The following TRHDE variants were observed in gnomAD, a reference collection of about 807,000 sequenced individuals.
TRHDE encodes the protein thyrotropin releasing hormone degrading enzyme.
A neutral mutation model predicts 125.7 loss-of-function variants in TRHDE; 72 were observed. That is an observed-to-expected ratio of 0.57 (90% CI 0.47 to 0.70). TRHDE has a LOEUF of 0.70. TRHDE is among the 30% of genes least tolerant of loss of function. TRHDE has a pLI of 0.00. For synonymous variants in TRHDE, 509 were observed against 509.1 expected (o/e 1.00, Z 0.00); for missense variants, 1,110 against 1,327.1 (o/e 0.84, Z 2.54).
Position 72,213,773 on chromosome 12 carries a change from A to G in TRHDE, n.279+108021A>G, listed in dbSNP as rs1719119. On this transcript the variant is annotated intron_variant and non_coding_transcript_variant, in intron 2 of 4. Coordinates refer to the TRHDE transcript ENST00000548156. The stretch of plus-strand genomic sequence containing the variant: ...AATTTGTTTAAACTTCTGTGAGCCA[A>G]TTAAAAGGATTACATATCAGTTGAA... Among the ~76,000 whole-genome samples, 3 of 152,280 alleles carry G rather than the reference A, an allele frequency of 2.0e-5. No homozygotes were observed. The South Asian group carries it at 6.2e-4, about 32-fold the overall frequency.
Position 72,610,283 on chromosome 12 carries a change from A to G in TRHDE, c.2322-8608A>G, listed in dbSNP as rs148517879. On this transcript the variant is annotated intron_variant, in intron 12 of 18. Coordinates refer to ENST00000261180, the MANE Select transcript of TRHDE (RefSeq NM_013381.3). ...AAACTTTCTAAAACAAACATCATGC[A>G]TAGTCTGTCTTTAAAACTTACCTTC... 1.3e-4 allele frequency among the ~76,000 whole-genome samples: 20 copies of G among 152,312 alleles called. No homozygotes were observed. In the East Asian group the frequency reaches 3.9e-3, roughly 29 times the overall value.
intron 2 of TRHDE, among the ~76,000 whole-genome samples, chr12:72,347,831 A>G (rs865895424): frequency 2.0e-5 from 3 of 152,038 alleles, no homozygotes; most frequent in Non-Finnish European, 4.4e-5. Context: ...GTCTAACTCA[A>G]TCTTAGAATT....
chr12:72,140,837 T>C (rs550281232), intron 2 of TRHDE, among the ~76,000 whole-genome samples: 2 of 152,256 alleles, frequency 1.3e-5, no homozygotes, highest in African/African-American at 4.8e-5. Flanking sequence ...CCAATAAAAA[T>C]AGTGTAACTC....
At chr12:72,579,387 G>T (rs1336127953) in intron 12 of TRHDE, among the ~76,000 whole-genome samples, 3 of 151,964 alleles carry the variant, frequency 2.0e-5, no homozygotes, top group Admixed American at 6.6e-5. Context: ...ATATACATTT[G>T]CTGTTTGTAT....
intron 2 of TRHDE, among the ~76,000 whole-genome samples, chr12:72,188,176 T>C (rs1877266014): frequency 6.6e-6 from 1 of 152,166 alleles, no homozygotes; most frequent in Non-Finnish European, 1.5e-5. Flanking sequence ...CTAAAACAAA[T>C]GTGGAGATGG....
chr12:72,245,677 A>G (rs1878562619), intron 2 of TRHDE, among the ~76,000 whole-genome samples: 1 of 151,994 alleles, frequency 6.6e-6, no homozygotes, highest in Non-Finnish European at 1.5e-5. Context: ...TAATTTTCAA[A>G]TTTATAAAAT....
intron 12 of TRHDE, 42 bp downstream of exon 12, chr12:72,575,584 GCAAGACTTCCTGTA>G (rs1870955350): frequency 6.4e-7 from 1 of 1,574,290 alleles, no homozygotes; most frequent in African/African-American, 1.4e-5. Flanking sequence ...ACTTGTGCCT[GCAAGACTTCCTGTA>G]TTAAACTGCA....
chr12:72,240,631 G>T (rs960304033), intron 2 of TRHDE, among the ~76,000 whole-genome samples: 8 of 151,340 alleles, frequency 5.3e-5, no homozygotes, highest in Non-Finnish European at 7.4e-5. Flanking sequence ...GTACAGTGGC[G>T]CGATCTCGGC....
chr12:72,427,534 C>G (rs906745172), intron 3 of TRHDE, among the ~76,000 whole-genome samples: 1 of 152,014 alleles, frequency 6.6e-6, no homozygotes, highest in African/African-American at 2.4e-5. Context: ...GTATCCCTGG[C>G]TTTTGTTGGG....
intron 2 of TRHDE, among the ~76,000 whole-genome samples, chr12:72,174,380 A>C (rs1184992977): frequency 6.6e-6 from 1 of 152,246 alleles, no homozygotes; most frequent in African/African-American, 2.4e-5. Context: ...GCAGAAACTA[A>C]TCTACAAAGT....
intron 2 of TRHDE, among the ~76,000 whole-genome samples, chr12:72,348,656 G>A (rs1414294202): frequency 6.6e-6 from 1 of 151,946 alleles, no homozygotes; most frequent in Non-Finnish European, 1.5e-5. Flanking sequence ...AGCTTGGAAT[G>A]CTTCATATCA....
chr12:72,449,308 A>G (rs767573761), intron 3 of TRHDE, among the ~76,000 whole-genome samples: 1 of 152,042 alleles, frequency 6.6e-6, no homozygotes, highest in African/African-American at 2.4e-5. Context: ...TTATACTACA[A>G]TGCCGTGACA....
chr12:72,342,818 T>C (rs1870142899), intron 2 of TRHDE, among the ~76,000 whole-genome samples: 1 of 152,144 alleles, frequency 6.6e-6, no homozygotes, highest in South Asian at 2.1e-4. Context: ...CCCTTTCATC[T>C]TTTTGGAACT....
chr12:72,097,163 A>T (rs1874944301), intron 1 of TRHDE, among the ~76,000 whole-genome samples: 1 of 152,240 alleles, frequency 6.6e-6, no homozygotes, highest in African/African-American at 2.4e-5. Flanking sequence ...AATACAATTA[A>T]TAGTGTATAC....
At chr12:72,288,387 A>G (rs1879969328) in intron 2 of TRHDE, among the ~76,000 whole-genome samples, 1 of 152,150 alleles carries the variant, frequency 6.6e-6, no homozygotes, top group African/African-American at 2.4e-5. Flanking sequence ...ATTACTGAAA[A>G]ACTGCTTATA....
At chr12:72,380,750 C>CCTTG (rs1565720457) in intron 3 of TRHDE, among the ~76,000 whole-genome samples, 14 of 95,228 alleles carry the variant, frequency 1.5e-4, no homozygotes, top group African/African-American at 9.4e-4. Context: ...TTCCTTCCTT[C>CCTTG]CTTCCTTCCT....
At chr12:72,543,168 T>C (rs1172936569) in intron 7 of TRHDE, among the ~76,000 whole-genome samples, 1 of 151,374 alleles carries the variant, frequency 6.6e-6, no homozygotes, top group Non-Finnish European at 1.5e-5. Context: ...GCTTTTCATT[T>C]TGAAATTTAA....
chr12:72,290,145 G>A (rs949541570), intron 2 of TRHDE, among the ~76,000 whole-genome samples: 3 of 152,206 alleles, frequency 2.0e-5, no homozygotes, highest in African/African-American at 7.2e-5. Context: ...GCTTCATGGA[G>A]GAGATAGGAT....
At chr12:72,482,626 AATAGCAG>A (rs1877224026) in intron 5 of TRHDE, among the ~76,000 whole-genome samples, 2 of 151,944 alleles carry the variant, frequency 1.3e-5, no homozygotes, top group African/African-American at 4.8e-5. Context: ...AGGTTACTTA[AATAGCAG>A]ATTTCTGTTC....
Sources: gnomAD v4.1 joint callset for allele counts (sites outside exome capture counted in the v4.1 genomes callset) on GRCh38, gnomAD v4.1.1 for gene constraint, MANE v1.5 for transcripts, NCBI Gene and HGNC (gene_info 2026-07-23, HGNC 2026-07-21) for gene names.